The following EIF2AK4 variants were observed in gnomAD, a reference collection of about 807,000 sequenced individuals.
EIF2AK4 encodes eIF-2-alpha kinase GCN2.
EIF2AK4 carries 139 observed loss-of-function variants against 211.1 expected under a neutral mutation model. That is an observed-to-expected ratio of 0.66 (90% confidence interval 0.57 to 0.76). EIF2AK4 has a LOEUF of 0.76. Ranked by LOEUF, EIF2AK4 falls within the 30% of genes least tolerant of loss-of-function variation. EIF2AK4 has a pLI of 0.00. For missense variants in EIF2AK4, 1,664 were observed against 2,043.8 expected (o/e 0.81, Z 3.58); for synonymous variants, 710 against 751.3 (o/e 0.94, Z 0.90).
rs202241343 is a variant in EIF2AK4 at position 39,967,651 on chromosome 15, C to T, written c.1325C>T (p.Thr442Met). 2.5e-5 allele frequency: 41 copies of T among 1,614,152 alleles called. No homozygotes were observed. Among genetic ancestry groups the T allele is most frequent in the Non-Finnish European group, 3.3e-5 (39 of 1,180,020 alleles). ...GATGCAGAAGGCACCGTCAAGATTA[C>T]GGACTATAGCATTTCTAAGCGCCTC... The part of the protein sequence containing the change: ...LVDAEGTVKI[T>M]DYSISKRLAD... Residue 442 changes from threonine to methionine, a missense_variant, in exon 9 of 39, where the codon ACG becomes ATG. Transcript: ENST00000263791.
intron 9 of EIF2AK4, among the ~76,000 whole-genome samples, chr15:39,971,545 T>C (rs2034624643): frequency 6.6e-6 from 1 of 151,690 alleles, no homozygotes; most frequent in African/African-American, 2.4e-5. Context: ...TAAAATAAAA[T>C]AAAATGAAAA....
At position 40,034,370 on chromosome 15, in the gene EIF2AK4, G is replaced by A. The variant is rs771806592; in HGVS notation, c.4818G>A (p.Leu1606=). 9 of 1,613,992 alleles carry A rather than the reference G, an allele frequency of 5.6e-6. No homozygotes were observed. The highest frequency in any genetic ancestry group is 1.7e-6 in the Non-Finnish European group (2 of 1,180,004). Residue 1606 remains leucine (L), a synonymous_variant, in exon 38 of 39, where the codon CTG becomes CTA. Coordinates refer to ENST00000263791, the MANE Select transcript of EIF2AK4 (RefSeq NM_001013703.4). ...EQAFNTTVKQ[L]LSRLPKQRYL... is the part of the protein sequence containing the mutation. ...CATTTAACACAACTGTGAAGCAGCT[G>A]CTGTCACGCCTGCCAAAGCAAAGAT...
chr15:39,999,063 G>GA (rs572102808), intron 20 of EIF2AK4, among the ~76,000 whole-genome samples: 33 of 141,258 alleles, frequency 2.3e-4, no homozygotes, highest in South Asian at 4.5e-4. Flanking sequence ...CTTAGCTGTT[G>GA]AAAAAAAAAA....
Position 39,967,486 on chromosome 15 carries a change from T to G in EIF2AK4, c.1160T>G (p.Leu387Arg). 6.2e-7 allele frequency: 1 copy of G among 1,614,182 alleles called. No individual in the cohort carries two copies. ...ILVEHISGVS[L>R]AAHLSHSGPI... ...GTGGAGCACATTAGTGGGGTCTCTC[T>G]TGCTGCACACCTGAGCCACTCAGGC... The change falls in exon 9 of 39, where the codon CTT (leucine) becomes CGT (arginine). Residue 387 changes from leucine to arginine, a missense_variant. By Grantham distance (102) the Leu-to-Arg change is moderately radical. Coordinates refer to ENST00000263791, the MANE Select transcript of EIF2AK4 (RefSeq NM_001013703.4).
intron 23 of EIF2AK4, among the ~76,000 whole-genome samples, chr15:40,003,767 T>C (rs1436289305): frequency 6.6e-6 from 1 of 152,236 alleles, no homozygotes; most frequent in Non-Finnish European, 1.5e-5. Flanking sequence ...CCGTGCCTGC[T>C]TTCTTCCGAC....
intron 4 of EIF2AK4, among the ~76,000 whole-genome samples, 171 bp downstream of exon 4, chr15:39,949,439 A>G (rs1422620265): frequency 2.6e-5 from 4 of 152,188 alleles, no homozygotes; most frequent in Admixed American, 6.5e-5. Flanking sequence ...TTCCCTCCTG[A>G]CACATATCAG....
At chr15:39,953,564 G>A (rs2034349553) in intron 4 of EIF2AK4, among the ~76,000 whole-genome samples, 2 of 152,160 alleles carry the variant, frequency 1.3e-5, no homozygotes, top group Non-Finnish European at 2.9e-5. Context: ...CTGCAGATAG[G>A]CAGATATCAA....
At chr15:39,978,025 A>G in intron 12 of EIF2AK4, 53 bp from the exon 13 acceptor site, 1 of 1,324,020 alleles carries the variant, frequency 7.6e-7, no homozygotes, top group Non-Finnish European at 1.1e-6. Flanking sequence ...GTCCATGTTT[A>G]TAATGATAAT....
At chr15:39,994,408 A>T (rs1213303529) in intron 18 of EIF2AK4, among the ~76,000 whole-genome samples, 2 of 152,088 alleles carry the variant, frequency 1.3e-5, no homozygotes, top group Non-Finnish European at 2.9e-5. Flanking sequence ...AGGAGTTCAA[A>T]ACCAGCCTGG....
chr15:40,027,306 T>C lies in EIF2AK4; in HGVS notation c.4502+1217T>C, dbSNP rs146705387. ...GTGATACCACAAATCATATAGTCTC[T>C]GGAAAACTCGGTTGCACATTTATGA... On this transcript the variant is annotated intron_variant, in intron 33 of 38. Transcript: ENST00000263791. 8.7e-3 allele frequency among the ~76,000 whole-genome samples: 1,321 copies of C among 152,318 alleles called. 22 individuals are homozygous for C. Among genetic ancestry groups the C allele is most frequent in the African/African-American group, 0.03 (1,247 of 41,562 alleles).
chr15:39,971,453 G>C (rs1241687640), intron 9 of EIF2AK4, among the ~76,000 whole-genome samples: 1 of 152,178 alleles, frequency 6.6e-6, no homozygotes, highest in Non-Finnish European at 1.5e-5. Flanking sequence ...GAACCTGGGA[G>C]GTAGAGGTTG....
intron 34 of EIF2AK4, 26 bp downstream of exon 34, chr15:40,029,490 C>T (rs375825731): frequency 1.2e-6 from 2 of 1,606,352 alleles, no homozygotes; most frequent in Non-Finnish European, 1.7e-6. Context: ...ATAATCTGAA[C>T]ATAATGATGC....
intron 29 of EIF2AK4, 101 bp from the exon 30 acceptor site, chr15:40,018,992 G>T: frequency 2.4e-6 from 2 of 829,900 alleles, no homozygotes; most frequent in Non-Finnish European, 3.8e-6. Context: ...ACTCTTTGAT[G>T]ATGAGCTGCT....
intron 13 of EIF2AK4, among the ~76,000 whole-genome samples, chr15:39,979,549 T>G (rs1338406843): frequency 6.6e-6 from 1 of 152,236 alleles, no homozygotes; most frequent in Non-Finnish European, 1.5e-5. Context: ...TGTCAAGTGC[T>G]TGCTAGAAAT....
Position 39,955,587 on chromosome 15 carries a change from C to T in EIF2AK4, c.595-33C>T, listed in dbSNP as rs765687999. The T allele has an allele frequency of 3.8e-6, 6 of 1,585,860 alleles. No homozygotes were observed. The Admixed American group carries it at 5.6e-5, about 15-fold the overall frequency. ...ATGATTTTCTTCCATGTATGACTTA[C>T]ATCTAAAGTAAGTTTTACTTTTCTT... On this transcript the variant is annotated intron_variant, in intron 5 of 38. Coordinates refer to ENST00000263791, the MANE Select transcript of EIF2AK4 (RefSeq NM_001013703.4).
intron 20 of EIF2AK4, among the ~76,000 whole-genome samples, chr15:39,999,599 C>T (rs1047881099): frequency 6.6e-6 from 1 of 152,104 alleles, no homozygotes; most frequent in Non-Finnish European, 1.5e-5. Flanking sequence ...ATTTCCCTCA[C>T]CTATAAAATA....
chr15:39,965,735 C>T lies in EIF2AK4; in HGVS notation c.909C>T (p.Ala303=). The change falls in exon 8 of 39, where the codon GCC becomes GCT. Residue 303 remains alanine, a synonymous_variant. Transcript: ENST00000263791. ...GKLVYNALET[A]TGGFVLLYEW... ...TAGTCTACAATGCTTTGGAAACAGC[C>T]ACTGGTGGCTTTGTCTTGTTGTATG... The T allele has an allele frequency of 6.2e-7, 1 of 1,614,006 alleles. No individual in the cohort carries two copies. The highest frequency in any genetic ancestry group is 8.5e-7 in the Non-Finnish European group (1 of 1,179,964).
chr15:39,997,195 A>G (rs533850918), intron 19 of EIF2AK4, 130 bp downstream of exon 19: 141 of 692,542 alleles, frequency 2.0e-4, no homozygotes, highest in Non-Finnish European at 3.4e-4. Flanking sequence ...AATTTTAATG[A>G]CTCATTTATT....
At chr15:40,018,994 T>G in intron 29 of EIF2AK4, 99 bp from the exon 30 acceptor site, 7 of 842,332 alleles carry the variant, frequency 8.3e-6, no homozygotes, top group South Asian at 1.6e-5. Context: ...TCTTTGATGA[T>G]GAGCTGCTGA....
Sources: gnomAD v4.1 joint callset for allele counts (sites outside exome capture counted in the v4.1 genomes callset) on GRCh38, gnomAD v4.1.1 for gene constraint, MANE v1.5 for transcripts, NCBI Gene and HGNC (gene_info 2026-07-23, HGNC 2026-07-21) for gene names.